The following NYAP2 variants were observed in gnomAD, a reference collection of about 807,000 sequenced individuals.
The protein encoded by NYAP2 is neuronal tyrosine-phosphorylated phosphoinositide-3-kinase adaptor 2.
Under a neutral mutation model 50.4 loss-of-function variants are expected in NYAP2, and 23 were observed. The ratio of observed to expected loss-of-function variants is 0.46; its 90% CI spans 0.33 to 0.65. The LOEUF (loss-of-function observed/expected upper bound fraction) is 0.65, where lower values mean the gene tolerates loss of function less well. NYAP2 is among the 30% of genes least tolerant of loss of function. The pLI, the probability that NYAP2 is intolerant of heterozygous loss-of-function variation, is 0.02. For synonymous variants in NYAP2, 394 were observed against 365.2 expected, an observed-to-expected ratio of 1.08 and a Z score of -0.90; for missense variants, 885 against 861.0, an observed-to-expected ratio of 1.03 and a Z score of -0.35.
chr2:225,605,659 G>GTAAA (rs927631847), intron 5 of NYAP2, among the ~76,000 whole-genome samples: 86 of 151,904 alleles, frequency 5.7e-4, no homozygotes, highest in South Asian at 2.5e-3. Flanking sequence ...TAATCATAAT[G>GTAAA]TAAATAAATA....
At chr2:225,650,878 G>A (rs1323455858) in intron 6 of NYAP2, among the ~76,000 whole-genome samples, 1 of 152,182 alleles carries the variant, frequency 6.6e-6, no homozygotes, top group Non-Finnish European at 1.5e-5. Flanking sequence ...GAAGAGGTAG[G>A]AGAAAGCTTT....
chr2:225,695,787 C>T, the NYAP2 span, among the ~76,000 whole-genome samples: 1 of 151,982 alleles, frequency 6.6e-6, no homozygotes, highest in African/African-American at 2.4e-5. Flanking sequence ...GGAACACAAA[C>T]TTATTCATTA....
intron 4 of NYAP2, among the ~76,000 whole-genome samples, chr2:225,580,764 G>A (rs1379245741): frequency 6.7e-6 from 1 of 150,082 alleles, no homozygotes. Flanking sequence ...AATTAGGCCA[G>A]TTAAAAAAAA....
the NYAP2 span, among the ~76,000 whole-genome samples, chr2:225,697,239 C>T: frequency 6.6e-6 from 1 of 151,976 alleles, no homozygotes; most frequent in African/African-American, 2.4e-5. Flanking sequence ...GTAATATGTA[C>T]ATATGTGTAT....
intron 4 of NYAP2, among the ~76,000 whole-genome samples, chr2:225,526,612 GC>G (rs1167332226): frequency 1.3e-5 from 2 of 152,110 alleles, no homozygotes; most frequent in African/African-American, 2.4e-5. Flanking sequence ...TTTTCTGGTG[GC>G]TTTTTGACAG....
At chr2:225,635,266 T>C (rs549908221) in intron 6 of NYAP2, among the ~76,000 whole-genome samples, 1 of 152,298 alleles carries the variant, frequency 6.6e-6, no homozygotes, top group Admixed American at 6.5e-5. Context: ...CATAGTTTTC[T>C]TTTTTTAGTG....
chr2:225,602,402 G>C (rs1416515163), intron 5 of NYAP2, among the ~76,000 whole-genome samples: 1 of 152,184 alleles, frequency 6.6e-6, no homozygotes, highest in Non-Finnish European at 1.5e-5. Flanking sequence ...TTCACAGACT[G>C]AGTGTTTCCA....
At chr2:225,569,445 G>C (rs1692027773) in intron 4 of NYAP2, among the ~76,000 whole-genome samples, 1 of 152,008 alleles carries the variant, frequency 6.6e-6, no homozygotes, top group African/African-American at 2.4e-5. Flanking sequence ...GTGAGGGGGG[G>C]AGGTGAGAGA....
chr2:225,422,065 C>T (rs1332648898), intron 3 of NYAP2, among the ~76,000 whole-genome samples: 1 of 151,184 alleles, frequency 6.6e-6, no homozygotes, highest in East Asian at 1.9e-4. Flanking sequence ...ATTTCAATTC[C>T]AATATTTCTT....
At chr2:225,639,545 T>C (rs1428507972) in intron 6 of NYAP2, among the ~76,000 whole-genome samples, 3 of 152,172 alleles carry the variant, frequency 2.0e-5, no homozygotes, top group Non-Finnish European at 4.4e-5. Context: ...TGATAAGTAG[T>C]AGATTCAAAT....
chr2:225,469,217 A>C (rs1350967503), intron 3 of NYAP2, among the ~76,000 whole-genome samples: 2 of 152,250 alleles, frequency 1.3e-5, no homozygotes, highest in African/African-American at 2.4e-5. Flanking sequence ...ATGGATAGAC[A>C]CTTCTCAAAA....
chr2:225,575,619 A>G (rs986661805), intron 4 of NYAP2, among the ~76,000 whole-genome samples: 1 of 152,190 alleles, frequency 6.6e-6, no homozygotes, highest in African/African-American at 2.4e-5. Context: ...GCTTCCTTAC[A>G]GCATGGTGAT....
chr2:225,464,947 C>A (rs1242486663), intron 3 of NYAP2, among the ~76,000 whole-genome samples: 2 of 152,156 alleles, frequency 1.3e-5, no homozygotes, highest in Non-Finnish European at 2.9e-5. Flanking sequence ...GTGTAACAAC[C>A]TCAGCATAGG....
chr2:225,480,121 C>A (rs1458775698), intron 3 of NYAP2, among the ~76,000 whole-genome samples: 1 of 152,038 alleles, frequency 6.6e-6, no homozygotes. Flanking sequence ...TTGTTTCTGG[C>A]AGCCTGAGAC....
At chr2:225,667,785 C>T in the NYAP2 span, among the ~76,000 whole-genome samples, 1 of 152,136 alleles carries the variant, frequency 6.6e-6, no homozygotes, top group Non-Finnish European at 1.5e-5. Context: ...CCTTTTGAAA[C>T]TACTTAATAG....
the NYAP2 span, chr2:225,699,603 T>C: frequency 2.0e-5 from 3 of 151,934 alleles, no homozygotes; most frequent in African/African-American, 7.2e-5. Context: ...TAATAAAATA[T>C]GTATTTCTTG....
At chr2:225,453,079 T>A (rs1689679869) in intron 3 of NYAP2, among the ~76,000 whole-genome samples, 2 of 152,184 alleles carry the variant, frequency 1.3e-5, no homozygotes, top group South Asian at 4.1e-4. Flanking sequence ...CAAATATAGG[T>A]GAATTCTAGA....
rs150974851 is a variant in NYAP2 at position 225,546,308 on chromosome 2, G to T, written c.523+32636G>T. On this transcript the variant is annotated intron_variant, in intron 4 of 6. Transcript: ENST00000636099. Reference sequence around the variant, plus strand: ...CTGGGCCCCATGTGAATCAAGAGATGCCACACGGGAGCCAAAAACTGGAGT... The same window carrying T: ...CTGGGCCCCATGTGAATCAAGAGATTCCACACGGGAGCCAAAAACTGGAGT... Among the ~76,000 whole-genome samples, 363 of 152,258 alleles carry T rather than the reference G, an allele frequency of 2.4e-3. 1 individual carries two copies. Among genetic ancestry groups the T allele is most frequent in the African/African-American group, 8.4e-3 (350 of 41,566 alleles).
At chr2:225,473,961 G>T (rs1201476967) in intron 3 of NYAP2, among the ~76,000 whole-genome samples, 15 of 152,022 alleles carry the variant, frequency 9.9e-5, no homozygotes, top group African/African-American at 2.2e-4. Flanking sequence ...TTTAAGTCTT[G>T]AATCCATCTT....
Sources: gnomAD v4.1 joint callset for allele counts (sites outside exome capture counted in the v4.1 genomes callset) on GRCh38, gnomAD v4.1.1 for gene constraint, MANE v1.5 for transcripts, NCBI Gene and HGNC (gene_info 2026-07-23, HGNC 2026-07-21) for gene names.